VWDE: variants seen among roughly 807,000 people sequenced by gnomAD.
VWDE encodes the protein von Willebrand factor D and EGF domains.
VWDE carries 207 observed loss-of-function variants against 178.4 expected under a neutral mutation model. That is an observed-to-expected ratio of 1.16 (90% CI 1.04 to 1.30). The LOEUF (loss-of-function observed/expected upper bound fraction) is 1.30. Ranked by LOEUF, VWDE falls within the 50% of genes most tolerant of loss-of-function variation. The pLI is 0.00. For synonymous variants in VWDE, 738 were observed against 651.4 expected, an observed-to-expected ratio of 1.13 and a Z score of -2.02; for missense variants, 2,287 against 1,901.3, an observed-to-expected ratio of 1.20 and a Z score of -3.77.
At chr7:12,342,447 A>T (rs866044432) in intron 22 of VWDE, among the ~76,000 whole-genome samples, 1 of 152,128 alleles carries the variant, frequency 6.6e-6, no homozygotes, top group Non-Finnish European at 1.5e-5. Context: ...GCAATCATAG[A>T]CATAAATTTA....
chr7:12,367,328 A>T (rs760430814), intron 13 of VWDE, 29 bp downstream of exon 13: 1 of 1,505,618 alleles, frequency 6.6e-7, no homozygotes, highest in Non-Finnish European at 8.9e-7. Context: ...CATACACTCT[A>T]TTGTTTCTGA....
intron 3 of VWDE, among the ~76,000 whole-genome samples, chr7:12,388,157 T>G (rs1314058006): frequency 6.6e-6 from 1 of 152,200 alleles, no homozygotes; most frequent in Non-Finnish European, 1.5e-5. Flanking sequence ...TTTTGAACAG[T>G]ACTATTCAGG....
intron 19 of VWDE, among the ~76,000 whole-genome samples, chr7:12,346,468 A>T (rs2128548308): frequency 6.6e-6 from 1 of 152,282 alleles, no homozygotes; most frequent in Middle Eastern, 3.4e-3. Flanking sequence ...ATAAGCAAAA[A>T]TTGGGAAATT....
intron 6 of VWDE, 97 bp from the exon 7 acceptor site, chr7:12,378,017 C>T (rs1783636505): frequency 1.1e-6 from 1 of 897,604 alleles, no homozygotes; most frequent in African/African-American, 1.7e-5. Flanking sequence ...ACATATTTTA[C>T]TAAATAATAA....
chr7:12,351,928 G>C (rs992534053), intron 18 of VWDE, among the ~76,000 whole-genome samples: 2 of 152,110 alleles, frequency 1.3e-5, no homozygotes, highest in African/African-American at 4.8e-5. Flanking sequence ...TCCTACATGT[G>C]AACATGTTTG....
At chr7:12,360,147 A>T (rs1454987724) in intron 15 of VWDE, among the ~76,000 whole-genome samples, 1 of 152,194 alleles carries the variant, frequency 6.6e-6, no homozygotes, top group Non-Finnish European at 1.5e-5. Flanking sequence ...GATCTTTGGC[A>T]TAATTATATC....
intron 23 of VWDE, 34 bp downstream of exon 23, chr7:12,342,025 T>C: frequency 6.6e-7 from 1 of 1,510,018 alleles, no homozygotes; most frequent in Non-Finnish European, 9.0e-7. Flanking sequence ...TAACTTTTAA[T>C]TGACATGTTC....
intron 6 of VWDE, 78 bp from the exon 7 acceptor site, chr7:12,377,998 C>T: frequency 9.6e-7 from 1 of 1,045,574 alleles, no homozygotes; most frequent in Non-Finnish European, 1.3e-6. Flanking sequence ...AGGGCATTTT[C>T]TCAACAGCAC....
Position 12,392,955 on chromosome 7 carries a change from AT to A in VWDE, c.243+638del, listed in dbSNP as rs570625801. 5.7e-3 allele frequency among the ~76,000 whole-genome samples: 869 copies of A among 151,956 alleles called. 2 individuals are homozygous for A. Among genetic ancestry groups the A allele is most frequent in the Non-Finnish European group, 9.0e-3 (610 of 67,926 alleles). The stretch of plus-strand genomic sequence containing the variant: ...GTATGCTGGCTGCACAAATTTGGGG[AT>A]TGAGGAGAGAGATTCAGTGAGATAA... On this transcript the variant is annotated intron_variant, in intron 2 of 28. Transcript: ENST00000275358.
intron 24 of VWDE, 79 bp from the exon 25 acceptor site, chr7:12,337,351 C>A: frequency 1.7e-6 from 2 of 1,190,912 alleles, no homozygotes; most frequent in South Asian, 2.6e-5. Context: ...ATGTGCTTGT[C>A]ATCAATGAGG....
rs1201377481 is a variant in VWDE, at chr7:12,380,713, G to A, written c.562C>T (p.Pro188Ser). The A allele has an allele frequency of 6.4e-7, 1 of 1,551,802 alleles. No individual in the cohort carries two copies. Among genetic ancestry groups the A allele is most frequent in the Non-Finnish European group, 8.7e-7 (1 of 1,146,992 alleles). The change falls in exon 5 of 29, where the codon CCA becomes TCA. Residue 188 changes from proline to serine, a missense_variant. By Grantham distance (74) the Pro-to-Ser change is moderately conservative. Transcript: ENST00000275358. Reference sequence around the variant, plus strand: ...TCTGGCCTTCCTGCAGGTGGAGGTGGCAATGAGGCAGCCAGCTGACCTGGG... The same window carrying A: ...TCTGGCCTTCCTGCAGGTGGAGGTGACAATGAGGCAGCCAGCTGACCTGGG... ...DCVRQLAASL[P>S]PPPAGRPEVL...
At chr7:12,358,072 A>C (rs866158011) in intron 16 of VWDE, among the ~76,000 whole-genome samples, 34 of 152,066 alleles carry the variant, frequency 2.2e-4, no homozygotes, top group African/African-American at 7.7e-4. Flanking sequence ...CTGAGTGCAC[A>C]CACTAAAAAA....
At chr7:12,376,749 C>G (rs967898480) in intron 7 of VWDE, among the ~76,000 whole-genome samples, 2 of 151,986 alleles carry the variant, frequency 1.3e-5, no homozygotes, top group African/African-American at 4.8e-5. Context: ...TACAATGTTG[C>G]TCGTGGTGCT....
intron 18 of VWDE, chr7:12,354,195 CTT>C (rs1782097840): frequency 3.6e-6 from 1 of 275,732 alleles, no homozygotes. Flanking sequence ...GAAAACATGT[CTT>C]ATATATTTTT....
At chr7:12,366,518 T>C (rs1782868588) in intron 13 of VWDE, among the ~76,000 whole-genome samples, 1 of 152,182 alleles carries the variant, frequency 6.6e-6, no homozygotes, top group Non-Finnish European at 1.5e-5. Flanking sequence ...TTTTGTCTTA[T>C]TACTTCATTG....
At chr7:12,388,058 T>C (rs1784192573) in intron 3 of VWDE, among the ~76,000 whole-genome samples, 1 of 152,168 alleles carries the variant, frequency 6.6e-6, no homozygotes. Context: ...TTTTCAATTT[T>C]CCCAATCAGG....
intron 10 of VWDE, 54 bp downstream of exon 10, chr7:12,372,923 T>C: frequency 6.7e-7 from 1 of 1,484,156 alleles, no homozygotes; most frequent in Non-Finnish European, 9.1e-7. Flanking sequence ...TAGAGATGTT[T>C]ATCTGAAAGG....
intron 3 of VWDE, among the ~76,000 whole-genome samples, chr7:12,388,285 A>G (rs1192052188): frequency 6.6e-6 from 1 of 152,146 alleles, no homozygotes; most frequent in African/African-American, 2.4e-5. Context: ...ATTACATGTT[A>G]TCAGGAGACA....
chr7:12,398,728 A>G (rs981183264), intron 1 of VWDE, among the ~76,000 whole-genome samples: 1 of 152,142 alleles, frequency 6.6e-6, no homozygotes, highest in Non-Finnish European at 1.5e-5. Context: ...AAAGACTAAA[A>G]CGTGTCCTTG....
Sources: gnomAD v4.1 joint callset for allele counts (sites outside exome capture counted in the v4.1 genomes callset) on GRCh38, gnomAD v4.1.1 for gene constraint, MANE v1.5 for transcripts, NCBI Gene and HGNC (gene_info 2026-07-23, HGNC 2026-07-21) for gene names.